MANBA: variants seen among roughly 807,000 people sequenced by gnomAD.
MANBA encodes beta-mannosidase.
In MANBA, 83 loss-of-function variants were observed where a neutral mutation model predicts 111.1. That is an observed-to-expected ratio of 0.75 (90% CI 0.63 to 0.90). The LOEUF (loss-of-function observed/expected upper bound fraction) is 0.90. Among genes scored for constraint, MANBA ranks in the 40% least tolerant of loss-of-function variants. The pLI, the probability that MANBA is intolerant of heterozygous loss-of-function variation, is 0.00. For synonymous variants in MANBA, 370 were observed against 378.7 expected, an observed-to-expected ratio of 0.98 and a Z score of 0.27; for missense variants, 1,036 against 1,069.0, an observed-to-expected ratio of 0.97 and a Z score of 0.43.
At chr4:102,676,820 G>A (rs2110229244) in intron 7 of MANBA, among the ~76,000 whole-genome samples, 1 of 152,270 alleles carries the variant, frequency 6.6e-6, no homozygotes, top group Non-Finnish European at 1.5e-5. Context: ...CAAAAGCAGT[G>A]GTGGGTTAAC....
chr4:102,633,204 A>T (rs527990271), intron 16 of MANBA: 2 of 398,094 alleles, frequency 5.0e-6, no homozygotes, highest in African/African-American at 4.1e-5. Context: ...GCTCTTCAGG[A>T]TCAGAGACTC....
intron 7 of MANBA, among the ~76,000 whole-genome samples, chr4:102,684,817 TC>T (rs1732139453): frequency 6.6e-6 from 1 of 152,178 alleles, no homozygotes; most frequent in African/African-American, 2.4e-5. Context: ...ATGATTCATG[TC>T]CTGGACAAGA....
chr4:102,695,122 G>A (rs775224114), intron 5 of MANBA, among the ~76,000 whole-genome samples: 14 of 152,120 alleles, frequency 9.2e-5, no homozygotes, highest in Non-Finnish European at 1.8e-4. Flanking sequence ...CTGCTCCTTC[G>A]TTCAGAGTAT....
At position 102,760,745 on chromosome 4, in the gene MANBA, G is replaced by T. The variant is rs930481036; in HGVS notation, c.150C>A (p.Ser50Arg). Residue 50 changes from serine to arginine, a missense_variant, in exon 1 of 17, where the codon AGC (serine) becomes AGA (arginine). Transcript: ENST00000647097. ...GGATCAGGCCCTGCTGGAACAAGGC[G>T]CTGTGCACGCAGCCAGGGACCGCCC... ...LPGAVPGCVHSALFQQGLIQD... is the reference protein window; with the variant it reads ...LPGAVPGCVHRALFQQGLIQD... 9 of 1,547,020 alleles carry T rather than the reference G, an allele frequency of 5.8e-6. No individual in the cohort carries two copies. The highest frequency in any genetic ancestry group is 7.9e-6 in the Non-Finnish European group (9 of 1,145,564).
At chr4:102,675,344 T>C (rs1202908377) in intron 7 of MANBA, among the ~76,000 whole-genome samples, 2 of 152,360 alleles carry the variant, frequency 1.3e-5, no homozygotes, top group Admixed American at 6.5e-5. Context: ...TGACAGCTAA[T>C]GGAATGTGTG....
At chr4:102,675,299 C>T (rs1004119903) in intron 7 of MANBA, among the ~76,000 whole-genome samples, 1 of 152,180 alleles carries the variant, frequency 6.6e-6, no homozygotes, top group Non-Finnish European at 1.5e-5. Context: ...TGGAATTTTC[C>T]AGAGACTACA....
chr4:102,716,605 T>C lies in MANBA; in HGVS notation c.550-2044A>G, dbSNP rs117141309. Among the ~76,000 whole-genome samples the C allele has an allele frequency of 1.2e-4, 18 of 152,342 alleles. No individual in the cohort carries two copies. In the East Asian group the frequency reaches 3.5e-3, roughly 29 times the overall value. ...CAAATTCAAAAATAAGAAATAATTC[T>C]GTAAAATAAATCCCTTTCACACAGA... On this transcript the variant is annotated intron_variant, in intron 4 of 16. Coordinates refer to ENST00000647097, the MANE Select transcript of MANBA (RefSeq NM_005908.4).
At chr4:102,682,531 C>T (rs1349705587) in intron 7 of MANBA, among the ~76,000 whole-genome samples, 1 of 152,238 alleles carries the variant, frequency 6.6e-6, no homozygotes, top group Admixed American at 6.5e-5. Context: ...AAGAATAAGG[C>T]CAAAAGGACA....
chr4:102,663,951 G>A (rs571446140), intron 11 of MANBA, among the ~76,000 whole-genome samples: 1 of 152,306 alleles, frequency 6.6e-6, no homozygotes, highest in South Asian at 2.1e-4. Context: ...CGGGGTTGGA[G>A]ACCAGCTCTC....
intron 5 of MANBA, among the ~76,000 whole-genome samples, chr4:102,699,416 T>C (rs1174432139): frequency 6.6e-6 from 1 of 152,140 alleles, no homozygotes; most frequent in East Asian, 1.9e-4. Context: ...TGGTGAGAGA[T>C]GGCATCCCTG....
At chr4:102,716,135 C>A (rs1722318893) in intron 4 of MANBA, among the ~76,000 whole-genome samples, 1 of 151,682 alleles carries the variant, frequency 6.6e-6, no homozygotes, top group Non-Finnish European at 1.5e-5. Context: ...CATGGAGAAA[C>A]CCCGTCTCTA....
In MANBA at chr4:102,632,026, A is replaced by G. The variant is rs767752323; in HGVS notation, c.*31T>C. 1 of 1,519,218 alleles carries G rather than the reference A, an allele frequency of 6.6e-7. No homozygotes were observed. The highest frequency in any genetic ancestry group is 9.1e-7 in the Non-Finnish European group (1 of 1,095,306). The allele number at this position is 1,519,218 out of a possible 1,614,324, so 94.1% of individuals were successfully genotyped here. ...GGTGCTTTAGAAATGCTTTATTCCC[A>G]TTGTCCACTGAAAATACAACCTAGA... On this transcript the variant is annotated 3_prime_UTR_variant, in exon 17 of 17. Transcript: ENST00000647097.
chr4:102,710,602 A>C (rs1200130948), intron 5 of MANBA, among the ~76,000 whole-genome samples: 3 of 152,164 alleles, frequency 2.0e-5, no homozygotes, highest in African/African-American at 7.2e-5. Flanking sequence ...AGCAATCTAC[A>C]GAGTCAATGC....
chr4:102,649,162 A>G (rs1405039635), intron 13 of MANBA, among the ~76,000 whole-genome samples: 1 of 152,176 alleles, frequency 6.6e-6, no homozygotes, highest in East Asian at 1.9e-4. Flanking sequence ...CTGTTAAAAG[A>G]CATTTAGGTT....
intron 11 of MANBA, among the ~76,000 whole-genome samples, chr4:102,662,231 T>C (rs1300388271): frequency 6.6e-6 from 1 of 152,136 alleles, no homozygotes; most frequent in East Asian, 1.9e-4. Flanking sequence ...ATGATGACGA[T>C]GGCTAGTTTT....
chr4:102,727,611 G>T (rs1164781227), intron 1 of MANBA: 11 of 1,575,038 alleles, frequency 7.0e-6, no homozygotes, highest in Non-Finnish European at 9.6e-6. Context: ...CGGGAGACAG[G>T]CCAGTGCCCA....
At chr4:102,728,138 G>A (rs1722882322) in intron 1 of MANBA, 3 of 538,408 alleles carry the variant, frequency 5.6e-6, no homozygotes, top group South Asian at 2.8e-5. Flanking sequence ...CGAAGGCTTG[G>A]TATAGATGGC....
At chr4:102,637,862 C>T (rs1226915934) in intron 14 of MANBA, among the ~76,000 whole-genome samples, 1 of 152,188 alleles carries the variant, frequency 6.6e-6, no homozygotes, top group African/African-American at 2.4e-5. Context: ...CATGGGAACC[C>T]CAGCTTGAAG....
chr4:102,632,085 T>G lies in MANBA; in HGVS notation c.2612A>C (p.His871Pro). The G allele has an allele frequency of 6.2e-7, 1 of 1,608,776 alleles. No individual in the cohort carries two copies. Among genetic ancestry groups the G allele is most frequent in the East Asian group, 2.2e-5 (1 of 44,876 alleles). ...GTAAATATCTGTTAAGGAGGTCACA[T>G]GAAAAGATTGCTCCAACTCATTCTT... Reference protein sequence around the residue: ...TSKNELEQSFHVTSLTDIY With the variant: ...TSKNELEQSFPVTSLTDIY The change falls in exon 17 of 17, where the codon CAT (histidine) becomes CCT (proline). Residue 871 changes from histidine (H) to proline (P), a missense_variant. Physicochemically the swap from His to Pro is moderately conservative, Grantham distance 77 (BLOSUM62 -2). Transcript: ENST00000647097.
Sources: gnomAD v4.1 joint callset for allele counts (sites outside exome capture counted in the v4.1 genomes callset) on GRCh38, gnomAD v4.1.1 for gene constraint, MANE v1.5 for transcripts, NCBI Gene and HGNC (gene_info 2026-07-23, HGNC 2026-07-21) for gene names.